Variants in CD86 observed in about 807,000 individuals in gnomAD.
The protein encoded by CD86 is CD86 molecule.
Under a neutral mutation model 32.1 loss-of-function variants are expected in CD86, and 11 were observed. The observed-to-expected ratio is 0.34, with a 90% CI of 0.22 to 0.57. The LOEUF (loss-of-function observed/expected upper bound fraction) is 0.57, where lower values mean the gene tolerates loss of function less well. Ranked by LOEUF, CD86 falls within the 20% of genes least tolerant of loss-of-function variation. CD86 has a pLI of 0.86. For synonymous variants in CD86, 137 were observed against 135.3 expected, an observed-to-expected ratio of 1.01 and a Z score of -0.09; for missense variants, 359 against 398.4, an observed-to-expected ratio of 0.90 and a Z score of 0.84.
intron 1 of CD86, among the ~76,000 whole-genome samples, chr3:122,085,493 C>G (rs1004445409): frequency 6.6e-6 from 1 of 152,216 alleles, no homozygotes; most frequent in Non-Finnish European, 1.5e-5. Flanking sequence ...TGGACAGGCA[C>G]CAGCTTCCCA....
intron 1 of CD86, among the ~76,000 whole-genome samples, chr3:122,087,930 G>T (rs1251423635): frequency 8.5e-5 from 13 of 152,280 alleles, no homozygotes; most frequent in Admixed American, 8.5e-4. Flanking sequence ...CAGGGTCAGT[G>T]CTTCTCCCCA....
At chr3:122,055,838 T>A (rs957174422) in intron 1 of CD86, among the ~76,000 whole-genome samples, 4 of 152,270 alleles carry the variant, frequency 2.6e-5, no homozygotes, top group Middle Eastern at 3.4e-3. Context: ...GGGAATATGT[T>A]TTTTGTCTAC....
intron 1 of CD86, among the ~76,000 whole-genome samples, chr3:122,071,517 C>A (rs2072488395): frequency 6.6e-6 from 1 of 152,126 alleles, no homozygotes; most frequent in Admixed American, 6.5e-5. Context: ...CACAGCTTTA[C>A]CAACTGAGGG....
chr3:122,072,581 G>GT (rs1390456693), intron 1 of CD86, among the ~76,000 whole-genome samples: 3 of 152,070 alleles, frequency 2.0e-5, no homozygotes, highest in East Asian at 1.9e-4. Context: ...GGGGTTGTTT[G>GT]TTTTTTTCTT....
At chr3:122,108,114 A>G (rs2073119471) in intron 4 of CD86, among the ~76,000 whole-genome samples, 1 of 152,234 alleles carries the variant, frequency 6.6e-6, no homozygotes, top group Admixed American at 6.5e-5. Flanking sequence ...CTATAACCTC[A>G]TCATGGCTCA....
intron 1 of CD86, among the ~76,000 whole-genome samples, chr3:122,069,852 G>A (rs1282854138): frequency 6.6e-6 from 1 of 152,156 alleles, no homozygotes; most frequent in Non-Finnish European, 1.5e-5. Context: ...ACTTGCTGCG[G>A]TTGTCACTAG....
At chr3:122,103,946 G>T (rs956994664) in intron 3 of CD86, 99 bp downstream of exon 3, 1 of 936,992 alleles carries the variant, frequency 1.1e-6, no homozygotes, top group Non-Finnish European at 1.6e-6. Context: ...GGGCCCAGGG[G>T]AAAAGGGGGG....
chr3:122,080,059 T>C (rs1354985521), intron 1 of CD86, among the ~76,000 whole-genome samples: 2 of 152,022 alleles, frequency 1.3e-5, no homozygotes, highest in African/African-American at 4.8e-5. Flanking sequence ...GTGCACAGTA[T>C]GGGGAGAGAA....
At chr3:122,118,116 TGATGAGA>T (rs781192651) in intron 6 of CD86, 23 bp downstream of exon 6, 61 of 1,443,636 alleles carry the variant, frequency 4.2e-5, no homozygotes, top group Non-Finnish European at 5.3e-5. Context: ...CCTGAGACAT[TGATGAGA>T]GAGAGGTATA....
intron 2 of CD86, among the ~76,000 whole-genome samples, chr3:122,100,063 T>C (rs2072973777): frequency 6.6e-6 from 1 of 152,186 alleles, no homozygotes; most frequent in Non-Finnish European, 1.5e-5. Flanking sequence ...TTCAGGGTTA[T>C]GTCATAAGAA....
chr3:122,077,636 C>A, intron 1 of CD86: 1 of 325,166 alleles, frequency 3.1e-6, no homozygotes, highest in Non-Finnish European at 4.4e-6. Flanking sequence ...GCTGTGTGTA[C>A]TCTGGGATCT....
intron 1 of CD86, among the ~76,000 whole-genome samples, chr3:122,074,815 G>A (rs757882837): frequency 3.3e-4 from 50 of 152,248 alleles, no homozygotes; most frequent in South Asian, 8.3e-4. Flanking sequence ...TCCTGAGAGC[G>A]TTGGAGAATG....
intron 5 of CD86, among the ~76,000 whole-genome samples, chr3:122,115,329 C>T (rs2073233265): frequency 6.6e-6 from 1 of 151,974 alleles, no homozygotes; most frequent in Non-Finnish European, 1.5e-5. Flanking sequence ...ATACTGAAAA[C>T]TATACAATAT....
In CD86 at chr3:122,106,497, A is replaced by T; in HGVS notation, c.700A>T (p.Ile234Leu). Reference sequence around the variant, plus strand: ...GCGGCTTTTATCTTCACCTTTCTCTATAGGTAAAGCTGTTTTCCAAGACTA... The same window carrying T: ...GCGGCTTTTATCTTCACCTTTCTCTTTAGGTAAAGCTGTTTTCCAAGACTA... The part of the protein sequence containing the change: ...KTRLLSSPFS[I>L]ELEDPQPPPD... Residue 234 changes from isoleucine (I) to leucine (L), a missense_variant, in exon 4 of 7, where the codon ATA (isoleucine) becomes TTA (leucine). Ile to Leu is a conservative substitution (Grantham distance 5). Coordinates refer to ENST00000330540, the MANE Select transcript of CD86 (RefSeq NM_175862.5). The T allele has an allele frequency of 6.2e-7, 1 of 1,601,982 alleles. No homozygotes were observed. Among genetic ancestry groups the T allele is most frequent in the South Asian group, 1.1e-5 (1 of 88,988 alleles).
intron 1 of CD86, among the ~76,000 whole-genome samples, chr3:122,084,651 A>T (rs571964551): frequency 6.6e-6 from 1 of 152,136 alleles, no homozygotes; most frequent in African/African-American, 2.4e-5. Context: ...CTCCAGCATG[A>T]TGGTCTCGGG....
At chr3:122,109,986 C>A (rs2107545210) in intron 5 of CD86, among the ~76,000 whole-genome samples, 2 of 152,260 alleles carry the variant, frequency 1.3e-5, no homozygotes, top group South Asian at 4.1e-4. Context: ...AATGATTACA[C>A]AAATATTTTT....
chr3:122,084,351 G>A (rs1029733130), intron 1 of CD86, among the ~76,000 whole-genome samples: 6 of 152,174 alleles, frequency 3.9e-5, no homozygotes, highest in African/African-American at 1.4e-4. Flanking sequence ...TTCTATGAAA[G>A]GCCACATAGA....
chr3:122,088,183 T>C (rs1311544230), intron 1 of CD86, among the ~76,000 whole-genome samples: 3 of 78,882 alleles, frequency 3.8e-5, no homozygotes, highest in South Asian at 4.3e-4. Context: ...AAGGGCCCTC[T>C]TTTTTTTTTT....
chr3:122,102,541 T>G (rs1259284047), intron 2 of CD86, among the ~76,000 whole-genome samples: 2 of 147,474 alleles, frequency 1.4e-5, no homozygotes, highest in East Asian at 4.3e-4. Context: ...AACCCCAAAG[T>G]GTCCTCAAGG....
Sources: gnomAD v4.1 joint callset for allele counts (sites outside exome capture counted in the v4.1 genomes callset) on GRCh38, gnomAD v4.1.1 for gene constraint, MANE v1.5 for transcripts, NCBI Gene and HGNC (gene_info 2026-07-23, HGNC 2026-07-21) for gene names.